The following OSTN variants were observed in gnomAD, a reference collection of about 807,000 sequenced individuals.
The protein encoded by OSTN is osteocrin.
In OSTN, 9 loss-of-function variants were observed where a neutral mutation model predicts 12.0. The ratio of observed to expected loss-of-function variants is 0.75; its 90% CI spans 0.45 to 1.30. OSTN has a LOEUF of 1.30. Ranked by LOEUF, OSTN falls within the 50% of genes most tolerant of loss-of-function variation. OSTN has a pLI of 0.00. For missense variants in OSTN, 148 were observed against 152.3 expected (o/e 0.97, Z 0.15); for synonymous variants, 59 against 56.9 (o/e 1.04, Z -0.16).
intron 2 of OSTN, chr3:191,217,107 A>G (rs1467601283): frequency 6.6e-6 from 1 of 152,234 alleles, no homozygotes; most frequent in Non-Finnish European, 1.5e-5. Context: ...TAAACTTACA[A>G]TCATGGTGGA....
intron 2 of OSTN, among the ~76,000 whole-genome samples, chr3:191,215,039 G>A (rs1246943320): frequency 6.6e-6 from 1 of 152,170 alleles, no homozygotes; most frequent in Non-Finnish European, 1.5e-5. Context: ...AACTGCCCAA[G>A]ACTAGGTAAT....
At chr3:191,260,499 C>T (rs551383495) in intron 4 of OSTN, among the ~76,000 whole-genome samples, 1 of 152,254 alleles carries the variant, frequency 6.6e-6, no homozygotes, top group Non-Finnish European at 1.5e-5. Context: ...GAGGGGGGTG[C>T]CAGTAATCTG....
At chr3:191,203,711 A>G (rs1481717341) in intron 1 of OSTN, among the ~76,000 whole-genome samples, 1 of 152,110 alleles carries the variant, frequency 6.6e-6, no homozygotes, top group East Asian at 1.9e-4. Flanking sequence ...GGAGATAGAA[A>G]AGGGTTTTAC....
chr3:191,250,751 C>T (rs947774064), intron 4 of OSTN, among the ~76,000 whole-genome samples: 2 of 152,070 alleles, frequency 1.3e-5, no homozygotes, highest in African/African-American at 4.8e-5. Flanking sequence ...AGTGGGCCTA[C>T]AATATATTGG....
chr3:191,257,625 G>A (rs181167085), intron 4 of OSTN, among the ~76,000 whole-genome samples: 22 of 152,150 alleles, frequency 1.4e-4, no homozygotes, highest in African/African-American at 4.1e-4. Flanking sequence ...ACACAGACTC[G>A]GAAACAAATT....
intron 4 of OSTN, among the ~76,000 whole-genome samples, chr3:191,259,437 A>G (rs1715752064): frequency 6.6e-6 from 1 of 151,674 alleles, no homozygotes; most frequent in African/African-American, 2.4e-5. Context: ...TCGTGACATC[A>G]TGATCCACCC....
At chr3:191,235,106 C>T (rs1715157212) in intron 3 of OSTN, among the ~76,000 whole-genome samples, 1 of 152,168 alleles carries the variant, frequency 6.6e-6, no homozygotes, top group African/African-American at 2.4e-5. Flanking sequence ...AACAGCTTTT[C>T]CTCCCATCCC....
chr3:191,223,720 CATA>C (rs1714828762), intron 3 of OSTN, among the ~76,000 whole-genome samples: 2 of 151,310 alleles, frequency 1.3e-5, no homozygotes, highest in South Asian at 4.2e-4. Flanking sequence ...CAAAAATAAT[CATA>C]AGAATAAAAA....
intron 2 of OSTN, 55 bp from the exon 3 acceptor site, chr3:191,218,692 C>T: frequency 7.0e-7 from 1 of 1,434,544 alleles, no homozygotes; most frequent in South Asian, 1.2e-5. Context: ...TGCATATGTA[C>T]ATACTTGGAG....
At chr3:191,240,763 G>A (rs1715299505) in intron 3 of OSTN, among the ~76,000 whole-genome samples, 1 of 152,246 alleles carries the variant, frequency 6.6e-6, no homozygotes, top group Non-Finnish European at 1.5e-5. Context: ...CTCACTGGCT[G>A]TTGGCGAGAG....
intron 3 of OSTN, among the ~76,000 whole-genome samples, chr3:191,240,808 G>A (rs1257194941): frequency 6.6e-6 from 1 of 152,236 alleles, no homozygotes; most frequent in African/African-American, 2.4e-5. Context: ...CTCTCTAAAG[G>A]GTTGTTAGCA....
At position 191,245,773 on chromosome 3, in the gene OSTN, A is replaced by G. The variant is rs1715415034; in HGVS notation, c.318-4264A>G. On this transcript the variant is annotated intron_variant, in intron 3 of 4. Coordinates refer to ENST00000682035, the MANE Select transcript of OSTN (RefSeq NM_198184.2). ...TGTTTTAATCATACGTATCTCGAAA[A>G]GAGTAAAAGAGGCCGGGCACAGTGG... Among the ~76,000 whole-genome samples the G allele has an allele frequency of 2.6e-5, 4 of 152,258 alleles. No individual in the cohort carries two copies. The South Asian group carries it at 8.3e-4, about 32-fold the overall frequency.
intron 3 of OSTN, among the ~76,000 whole-genome samples, chr3:191,231,860 C>G (rs1715064302): frequency 1.3e-5 from 2 of 152,078 alleles, no homozygotes; most frequent in Admixed American, 1.3e-4. Flanking sequence ...CTATGAACCC[C>G]TTCTCAGAGT....
chr3:191,229,605 A>T (rs896118248), intron 3 of OSTN, among the ~76,000 whole-genome samples: 9 of 152,188 alleles, frequency 5.9e-5, no homozygotes. Flanking sequence ...GCAATCAGAT[A>T]AACAGCAGAT....
In OSTN at chr3:191,250,085, G is replaced by T; in HGVS notation, c.366G>T (p.Arg122=). 1 of 1,613,724 alleles carries T rather than the reference G, an allele frequency of 6.2e-7. No homozygotes were observed. The highest frequency in any genetic ancestry group is 8.5e-7 in the Non-Finnish European group (1 of 1,179,684). The change falls in exon 4 of 5, where the codon CGG becomes CGT. Residue 122 remains arginine, a synonymous_variant. Coordinates refer to ENST00000682035, the MANE Select transcript of OSTN (RefSeq NM_198184.2). ...GGCGATTTGGTATCCCCATGGATCG[G>T]ATTGGTAGAAACCGGCTTTCAAATT... The part of the protein sequence containing the change: ...PKRRFGIPMD[R]IGRNRLSNSR...
At position 191,219,047 on chromosome 3, in the gene OSTN, A is replaced by G. The variant is rs1714697320; in HGVS notation, c.317+86A>G. 5.0e-6 allele frequency: 6 copies of G among 1,200,126 alleles called. No individual in the cohort carries two copies. In the South Asian group the frequency reaches 7.6e-5, roughly 15 times the overall value. 74.3% of individuals were successfully genotyped at this position (1,200,126 alleles called of 1,614,324 possible). A position where few individuals can be genotyped will look rare whatever the true frequency, so the allele number is the denominator to read the frequency against. On this transcript the variant is annotated intron_variant, in intron 3 of 4. Transcript: ENST00000682035. ...TCTGAGAGAATTCCACATGAAAAAT[A>G]CAGTGAAAACCTTGTATATATAAAC...
At chr3:191,218,299 C>T (rs940923958) in intron 2 of OSTN, among the ~76,000 whole-genome samples, 1 of 152,076 alleles carries the variant, frequency 6.6e-6, no homozygotes, top group Admixed American at 6.6e-5. Context: ...CCCCAAAGAT[C>T]TAGCACTCTC....
In OSTN at chr3:191,250,138, G is replaced by A. The variant is rs370922060; in HGVS notation, c.*12+5G>A. On this transcript the variant is annotated splice_donor_5th_base_variant and intron_variant, in intron 4 of 4. Transcript: ENST00000682035. ...AGAGGCTAATTGATTCCAATTGTGA[G>A]TACAATTTGAATAAGTAACAGTATA... 5 of 1,566,716 alleles carry A rather than the reference G, an allele frequency of 3.2e-6. No individual in the cohort carries two copies. Among genetic ancestry groups the A allele is most frequent in the East Asian group, 2.2e-5 (1 of 44,638 alleles).
At chr3:191,237,156 G>A (rs778671108) in intron 3 of OSTN, among the ~76,000 whole-genome samples, 2 of 152,168 alleles carry the variant, frequency 1.3e-5, no homozygotes, top group Non-Finnish European at 2.9e-5. Context: ...GGTTTTACAT[G>A]TGAAATGAGG....
Sources: allele counts gnomAD v4.1 joint callset (sites outside exome capture counted in the v4.1 genomes callset), GRCh38; gene constraint gnomAD v4.1.1; transcripts MANE v1.5; gene names NCBI Gene and HGNC (gene_info 2026-07-23, HGNC 2026-07-21).